The following CSGALNACT1 variants were observed in gnomAD, a reference collection of about 807,000 sequenced individuals.
The protein encoded by CSGALNACT1 is chondroitin sulfate N-acetylgalactosaminyltransferase 1.
In CSGALNACT1, 52 loss-of-function variants were observed where a neutral mutation model predicts 51.0. The ratio of observed to expected loss-of-function variants is 1.02; its 90% CI spans 0.82 to 1.29. CSGALNACT1 has a LOEUF of 1.29. Ranked by LOEUF, CSGALNACT1 falls within the 50% of genes most tolerant of loss-of-function variation. CSGALNACT1 has a pLI of 0.00. For missense variants in CSGALNACT1, 935 were observed against 679.2 expected (o/e 1.38, Z -4.19); for synonymous variants, 341 against 254.4 (o/e 1.34, Z -3.24).
chr8:19,683,745 G>C (rs988409229), upstream of CSGALNACT1, among the ~76,000 whole-genome samples: 1 of 151,966 alleles, frequency 6.6e-6, no homozygotes, highest in Non-Finnish European at 1.5e-5. Context: ...TTTTTCTACA[G>C]CTTGGCAAAA....
intron 4 of CSGALNACT1, among the ~76,000 whole-genome samples, chr8:19,474,093 A>C (rs991881768): frequency 1.1e-4 from 17 of 152,220 alleles, no homozygotes; most frequent in Admixed American, 7.8e-4. Context: ...TACAATAAAT[A>C]ATAACAATGG....
intron 1 of CSGALNACT1, among the ~76,000 whole-genome samples, chr8:19,692,869 G>A (rs912391162): frequency 2.6e-5 from 4 of 152,198 alleles, no homozygotes; most frequent in African/African-American, 4.8e-5. Context: ...AATAAGCACT[G>A]TCACCTGGCA....
upstream of CSGALNACT1, among the ~76,000 whole-genome samples, chr8:19,684,155 G>C (rs2060831845): frequency 6.7e-6 from 1 of 149,588 alleles, no homozygotes; most frequent in Non-Finnish European, 1.5e-5. Context: ...AACAGAACTT[G>C]ACTCCATCTC....
chr8:19,688,348 A>T (rs936140330), intron 1 of CSGALNACT1, among the ~76,000 whole-genome samples: 1 of 151,714 alleles, frequency 6.6e-6, no homozygotes, highest in African/African-American at 2.4e-5. Context: ...TTGATTCTGT[A>T]AAAAAAAATC....
chr8:19,517,297 G>C (rs573248315), intron 3 of CSGALNACT1, among the ~76,000 whole-genome samples: 24 of 152,202 alleles, frequency 1.6e-4, no homozygotes, highest in African/African-American at 5.5e-4. Flanking sequence ...AAAATTAGCT[G>C]GGTGTGGTGG....
At chr8:19,563,166 C>G (rs534996756) in intron 3 of CSGALNACT1, among the ~76,000 whole-genome samples, 1 of 152,116 alleles carries the variant, frequency 6.6e-6, no homozygotes, top group Non-Finnish European at 1.5e-5. Flanking sequence ...CCTTAGCAAA[C>G]TAATGCAGGA....
At chr8:19,509,482 C>T (rs1165827930) in intron 3 of CSGALNACT1, among the ~76,000 whole-genome samples, 10 of 151,832 alleles carry the variant, frequency 6.6e-5, no homozygotes, top group Non-Finnish European at 1.3e-4. Flanking sequence ...AGTCAGGTAT[C>T]GTGGTGCGTG....
chr8:19,614,889 G>A (rs996274319), intron 1 of CSGALNACT1, among the ~76,000 whole-genome samples: 10 of 152,154 alleles, frequency 6.6e-5, no homozygotes, highest in African/African-American at 2.4e-4. Flanking sequence ...CACAGTGAGG[G>A]GTAACCAGAA....
intron 1 of CSGALNACT1, among the ~76,000 whole-genome samples, chr8:19,739,038 T>C (rs951701093): frequency 2.0e-4 from 30 of 152,086 alleles, no homozygotes; most frequent in Admixed American, 2.6e-4. Context: ...ATGGTCTGGG[T>C]ATTCAGTAAT....
chr8:19,444,400 G>A (rs770227453), intron 5 of CSGALNACT1, among the ~76,000 whole-genome samples: 5 of 152,160 alleles, frequency 3.3e-5, no homozygotes, highest in Admixed American at 6.5e-5. Context: ...TGCTTGAATC[G>A]GAGGGTGTGG....
At chr8:19,657,099 C>T (rs1351921677) in intron 1 of CSGALNACT1, among the ~76,000 whole-genome samples, 1 of 147,268 alleles carries the variant, frequency 6.8e-6, no homozygotes, top group African/African-American at 2.5e-5. Flanking sequence ...CAAATAAAAC[C>T]ATGTAAAATA....
At chr8:19,551,944 A>G (rs2088220309) in intron 3 of CSGALNACT1, among the ~76,000 whole-genome samples, 1 of 152,224 alleles carries the variant, frequency 6.6e-6, no homozygotes, top group African/African-American at 2.4e-5. Flanking sequence ...TCAGGTTAGA[A>G]GTCTTGGTTG....
intron 1 of CSGALNACT1, among the ~76,000 whole-genome samples, chr8:19,632,818 C>T (rs370721114): frequency 4.9e-4 from 74 of 152,210 alleles, no homozygotes; most frequent in Non-Finnish European, 6.8e-4. Flanking sequence ...TGCAGTGGAA[C>T]GGTCACAGCT....
chr8:19,408,645 G>C, exon 9 of CSGALNACT1: 1 of 1,613,804 alleles, frequency 6.2e-7, no homozygotes, highest in Non-Finnish European at 8.5e-7. Context: ...ATACTGACAC[G>C]TCATCCCAAA....
chr8:19,530,216 G>T (rs2082472500), intron 3 of CSGALNACT1, among the ~76,000 whole-genome samples: 1 of 143,996 alleles, frequency 6.9e-6, no homozygotes, highest in Non-Finnish European at 1.5e-5. Context: ...GCGAGACTCT[G>T]GCTGAAAAAA....
chr8:19,487,192 G>C (rs756154804), intron 4 of CSGALNACT1, among the ~76,000 whole-genome samples: 2 of 152,082 alleles, frequency 1.3e-5, no homozygotes, highest in African/African-American at 2.4e-5. Flanking sequence ...CTCACATTCT[G>C]CTCCAGAGAC....
chr8:19,458,293 G>A, intron 5 of CSGALNACT1, 133 bp downstream of exon 4: 1 of 856,850 alleles, frequency 1.2e-6, no homozygotes. Context: ...AACTTTACGT[G>A]GAGAAAACAG....
intron 8 of CSGALNACT1, among the ~76,000 whole-genome samples, chr8:19,415,271 C>T (rs181100317): frequency 3.3e-5 from 5 of 152,304 alleles, no homozygotes; most frequent in East Asian, 3.9e-4. Flanking sequence ...GCCAGTCCCC[C>T]GTAGGCAGCG....
intron 1 of CSGALNACT1, among the ~76,000 whole-genome samples, chr8:19,741,194 G>A (rs578069157): frequency 6.6e-6 from 1 of 152,308 alleles, no homozygotes; most frequent in African/African-American, 2.4e-5. Flanking sequence ...ATAGATCAGA[G>A]AAAACCATCA....
Sources: allele counts gnomAD v4.1 joint callset (sites outside exome capture counted in the v4.1 genomes callset), GRCh38; gene constraint gnomAD v4.1.1; transcripts MANE v1.5; gene names NCBI Gene and HGNC (gene_info 2026-07-23, HGNC 2026-07-21).